The following TTC28 variants were observed in gnomAD, a reference collection of about 807,000 sequenced individuals.
The protein encoded by TTC28 is tetratricopeptide repeat protein 28.
Under a neutral mutation model 198.0 loss-of-function variants are expected in TTC28, and 61 were observed. The observed-to-expected ratio is 0.31, with a 90% CI of 0.25 to 0.38. TTC28 has a LOEUF of 0.38. TTC28 is among the 10% of genes least tolerant of loss of function. The pLI is 1.00. For synonymous variants in TTC28, 1,171 were observed against 1,297.8 expected (o/e 0.90, Z 2.10); for missense variants, 2,678 against 3,164.0 (o/e 0.85, Z 3.69).
intron 5 of TTC28, among the ~76,000 whole-genome samples, chr22:28,209,072 C>G (rs1926661556): frequency 6.6e-6 from 1 of 152,200 alleles, no homozygotes; most frequent in South Asian, 2.1e-4. Flanking sequence ...TGTTCTCATA[C>G]TTTCAAATTT....
chr22:28,529,471 C>G (rs1759227023), intron 2 of TTC28, among the ~76,000 whole-genome samples: 1 of 152,220 alleles, frequency 6.6e-6, no homozygotes, highest in Non-Finnish European at 1.5e-5. Flanking sequence ...GTAGACTCCA[C>G]CTTTGAGGGC....
At position 28,107,124 on chromosome 22, in the gene TTC28, C is replaced by G; in HGVS notation, c.2721G>C (p.Ala907=). The G allele has an allele frequency of 6.4e-7, 1 of 1,551,676 alleles. No homozygotes were observed. Among genetic ancestry groups the G allele is most frequent in the Non-Finnish European group, 8.7e-7 (1 of 1,146,992 alleles). Residue 907 remains alanine (A), a synonymous_variant, in exon 7 of 23, where the codon GCG becomes GCC. Transcript: ENST00000397906. ...IKYYEQYLSV[A]QSLNRMQDQA... is the part of the protein sequence containing the mutation. The stretch of plus-strand genomic sequence containing the variant: ...GGTCTTGCATGCGATTCAGACTCTG[C>G]GCGACAGATAAATATTGTTCATAGT...
At chr22:28,264,159 G>A (rs535529742) in intron 5 of TTC28, among the ~76,000 whole-genome samples, 1 of 152,208 alleles carries the variant, frequency 6.6e-6, no homozygotes, top group South Asian at 2.1e-4. Flanking sequence ...AGAGGTAACT[G>A]AATCATGAGG....
At chr22:28,243,711 G>C (rs1390738161) in intron 5 of TTC28, among the ~76,000 whole-genome samples, 3 of 152,036 alleles carry the variant, frequency 2.0e-5, no homozygotes, top group Non-Finnish European at 4.4e-5. Context: ...GGTGGGATGG[G>C]GTCCAGGCAT....
At chr22:28,475,788 C>G (rs1209958759) in intron 2 of TTC28, among the ~76,000 whole-genome samples, 1 of 152,098 alleles carries the variant, frequency 6.6e-6, no homozygotes, top group Non-Finnish European at 1.5e-5. Flanking sequence ...GAATTTGGAC[C>G]TACACGCTGA....
At chr22:28,608,967 T>C (rs924141171) in intron 2 of TTC28, among the ~76,000 whole-genome samples, 1 of 152,166 alleles carries the variant, frequency 6.6e-6, no homozygotes, top group African/African-American at 2.4e-5. Flanking sequence ...CACATTATAT[T>C]ACCTAAAATG....
chr22:28,303,409 A>G (rs909530119), intron 3 of TTC28, among the ~76,000 whole-genome samples: 1 of 152,218 alleles, frequency 6.6e-6, no homozygotes, highest in African/African-American at 2.4e-5. Flanking sequence ...AGAGAAATAC[A>G]TCATATAAAA....
chr22:28,318,039 G>A lies in TTC28; in HGVS notation c.382-11396C>T, dbSNP rs56179572. Among the ~76,000 whole-genome samples, 1,229 of 152,008 alleles carry A rather than the reference G, an allele frequency of 8.1e-3. 19 individuals carry two copies. Among genetic ancestry groups the A allele is most frequent in the African/African-American group, 0.028 (1,171 of 41,478 alleles). ...CCAACTCAACCTCCCAAGTAGCTGG[G>A]GGTACAGGTGTGTGCCACCAACCCA... On this transcript the variant is annotated intron_variant, in intron 2 of 22. Coordinates refer to ENST00000397906, the MANE Select transcript of TTC28 (RefSeq NM_001145418.2).
At chr22:28,429,044 T>C (rs2047395627) in intron 2 of TTC28, among the ~76,000 whole-genome samples, 1 of 152,248 alleles carries the variant, frequency 6.6e-6, no homozygotes, top group African/African-American at 2.4e-5. Context: ...GGAGTCATCA[T>C]TAGTGTTACT....
At position 28,201,098 on chromosome 22, in the gene TTC28, T is replaced by A. The variant is rs183842419; in HGVS notation, c.934-37499A>T. On this transcript the variant is annotated intron_variant, in intron 5 of 22. Transcript: ENST00000397906. ...GGATAGTGTTATCTCACTTCAGAGGTTGGAAAACTGAGGGTCAATCAGGTC... is the reference window on the plus strand; with the variant it reads ...GGATAGTGTTATCTCACTTCAGAGGATGGAAAACTGAGGGTCAATCAGGTC... 4.3e-3 allele frequency among the ~76,000 whole-genome samples: 662 copies of A among 152,194 alleles called. 3 individuals carry two copies. Among genetic ancestry groups the A allele is most frequent in the Non-Finnish European group, 6.2e-3 (420 of 68,004 alleles).
chr22:28,452,390 A>C (rs2047794630), intron 2 of TTC28, among the ~76,000 whole-genome samples: 1 of 30,770 alleles, frequency 3.2e-5, no homozygotes, highest in Admixed American at 2.3e-4. Flanking sequence ...ATTCCATCTC[A>C]AAAAAAAAAA....
At chr22:28,430,037 T>A (rs1479008489) in intron 2 of TTC28, among the ~76,000 whole-genome samples, 1 of 38,372 alleles carries the variant, frequency 2.6e-5, no homozygotes, top group Admixed American at 2.5e-4. Context: ...TGGAATATGA[T>A]TTTTTTTTTT....
At chr22:28,227,664 A>AGT (rs2147219627) in intron 5 of TTC28, among the ~76,000 whole-genome samples, 2 of 152,196 alleles carry the variant, frequency 1.3e-5, no homozygotes, top group South Asian at 4.1e-4. Context: ...AACCACAATG[A>AGT]GATACCACTT....
At chr22:28,299,718 A>G (rs974772861) in intron 3 of TTC28, among the ~76,000 whole-genome samples, 36 of 152,208 alleles carry the variant, frequency 2.4e-4, no homozygotes, top group African/African-American at 8.7e-4. Flanking sequence ...AGTTGAAAAG[A>G]CTTTTAAAAT....
intron 2 of TTC28, among the ~76,000 whole-genome samples, chr22:28,520,423 G>A (rs2048881730): frequency 6.6e-6 from 1 of 152,088 alleles, no homozygotes; most frequent in Non-Finnish European, 1.5e-5. Context: ...GAGTTCCTCT[G>A]ACCAACACTC....
intron 2 of TTC28, among the ~76,000 whole-genome samples, chr22:28,397,315 A>G (rs1444116202): frequency 6.6e-6 from 1 of 152,244 alleles, no homozygotes; most frequent in Non-Finnish European, 1.5e-5. Context: ...GTCCCGATGT[A>G]GGTAAGGCAG....
chr22:28,186,562 T>A (rs1025693222), intron 5 of TTC28, among the ~76,000 whole-genome samples: 6 of 152,112 alleles, frequency 3.9e-5, no homozygotes, highest in Non-Finnish European at 7.4e-5. Flanking sequence ...TAGTAATACA[T>A]CTGTGATGGG....
intron 12 of TTC28, among the ~76,000 whole-genome samples, chr22:28,091,033 T>G (rs899868221): frequency 6.6e-6 from 1 of 152,146 alleles, no homozygotes; most frequent in Non-Finnish European, 1.5e-5. Context: ...CTGCTAGAGA[T>G]CCTAAGGACT....
intron 2 of TTC28, among the ~76,000 whole-genome samples, chr22:28,348,964 C>T (rs2045949510): frequency 6.6e-6 from 1 of 152,118 alleles, no homozygotes; most frequent in Admixed American, 6.5e-5. Context: ...GAACTAAATG[C>T]CCACAAGACC....
Sources: allele counts gnomAD v4.1 joint callset (sites outside exome capture counted in the v4.1 genomes callset), GRCh38; gene constraint gnomAD v4.1.1; transcripts MANE v1.5; gene names NCBI Gene and HGNC (gene_info 2026-07-23, HGNC 2026-07-21).